Variants in ATG4A observed in about 807,000 individuals in gnomAD.
The protein encoded by ATG4A is cysteine protease ATG4A.
A neutral mutation model predicts 38.4 loss-of-function variants in ATG4A; 22 were observed. The observed-to-expected ratio is 0.57, with a 90% CI of 0.41 to 0.82. The LOEUF (loss-of-function observed/expected upper bound fraction) is 0.82, where lower values mean the gene tolerates loss of function less well. Ranked by LOEUF, ATG4A falls within the 40% of genes least tolerant of loss-of-function variation. The pLI is 0.00. For missense variants in ATG4A, 220 were observed against 290.0 expected (o/e 0.76, Z 1.75); for synonymous variants, 86 against 100.7 (o/e 0.85, Z 0.88).
chrX:108,113,602 G>T (rs1003690172), intron 1 of ATG4A, among the ~76,000 whole-genome samples: 9 of 111,297 alleles, frequency 8.1e-5, no homozygotes, highest in African/African-American at 2.3e-4. Flanking sequence ...AGACATACCC[G>T]AGACTGCGAA....
Position 108,107,637 on chromosome X carries a change from T to C in ATG4A, c.10+15801T>C, listed in dbSNP as rs767384231. The stretch of plus-strand genomic sequence containing the variant: ...GACTCTGGATTTTATTTTAATCTTC[T>C]GTTTAGTAGGCCTACTCTGACACCA... On this transcript the variant is annotated intron_variant, in intron 1 of 12. Transcript: ENST00000372232. 1.9e-4 allele frequency among the ~76,000 whole-genome samples: 21 copies of C among 111,914 alleles called. 1 individual carries two copies. The highest frequency in any genetic ancestry group is 3.9e-4 in the Non-Finnish European group (21 of 53,212).
chrX:108,124,511 G>A (rs1484718659), intron 1 of ATG4A, among the ~76,000 whole-genome samples: 1 of 108,434 alleles, frequency 9.2e-6, no homozygotes, highest in Non-Finnish European at 1.9e-5. Flanking sequence ...GAGTGTAGTG[G>A]CGCGATCTTG....
At chrX:108,149,652 C>T (rs1424270383) in intron 9 of ATG4A, among the ~76,000 whole-genome samples, 1 of 112,370 alleles carries the variant, frequency 8.9e-6, no homozygotes, top group African/African-American at 3.2e-5. Flanking sequence ...TCAGCATTCC[C>T]ATTCCATAAA....
chrX:108,109,614 A>C (rs986878605), intron 1 of ATG4A, among the ~76,000 whole-genome samples: 1 of 112,268 alleles, frequency 8.9e-6, no homozygotes, highest in Non-Finnish European at 1.9e-5. Flanking sequence ...TTTAGGTCTT[A>C]TGTTTAGGTC....
intron 1 of ATG4A, among the ~76,000 whole-genome samples, chrX:108,099,397 T>C (rs2031933311): frequency 8.9e-6 from 1 of 111,765 alleles, no homozygotes; most frequent in East Asian, 2.8e-4. Flanking sequence ...TAGATACCAG[T>C]TCTTTGTCAG....
intron 1 of ATG4A, among the ~76,000 whole-genome samples, chrX:108,118,670 C>A (rs2147986262): frequency 9.0e-6 from 1 of 111,455 alleles, no homozygotes; most frequent in African/African-American, 3.3e-5. Context: ...ACCTACCCCA[C>A]TCTCCAATGC....
intron 1 of ATG4A, among the ~76,000 whole-genome samples, chrX:108,104,883 C>CTTTCTTCT (rs1443471836): frequency 2.8e-5 from 3 of 105,575 alleles, no homozygotes; most frequent in African/African-American, 1.0e-4. Flanking sequence ...TTCACCAATT[C>CTTTCTTCT]TTTCTTCTGC....
At chrX:108,118,073 A>T (rs1288786160) in intron 1 of ATG4A, among the ~76,000 whole-genome samples, 1 of 112,573 alleles carries the variant, frequency 8.9e-6, no homozygotes, top group Admixed American at 9.4e-5. Context: ...TGTGAATTAT[A>T]TTGTTAATAT....
At chrX:108,112,599 G>T (rs1163581092) in intron 1 of ATG4A, among the ~76,000 whole-genome samples, 1 of 110,201 alleles carries the variant, frequency 9.1e-6, no homozygotes, top group Non-Finnish European at 1.9e-5. Context: ...GTTTCACCAT[G>T]TTAGCCAGGA....
rs1388815113 is a variant in ATG4A, at chrX:108,137,154, G to A, written c.531G>A (p.Val177=). ...TTTATGTTTCAATGGATAACACAGT[G>A]GTCATTGAAGATATCAGTGAGTTAC... ...LAVYVSMDNT[V]VIEDIKKMCR... Residue 177 remains valine, a synonymous_variant, in exon 7 of 13, where the codon GTG becomes GTA. Coordinates refer to ENST00000372232, the MANE Select transcript of ATG4A (RefSeq NM_052936.5). The A allele has an allele frequency of 8.3e-7, 1 of 1,204,380 alleles. No homozygotes were observed. Among genetic ancestry groups the A allele is most frequent in the East Asian group, 3.0e-5 (1 of 33,439 alleles).
intron 1 of ATG4A, among the ~76,000 whole-genome samples, chrX:108,124,730 A>C (rs895180089): frequency 1.5e-4 from 17 of 112,265 alleles, no homozygotes; most frequent in African/African-American, 3.2e-5. Context: ...TTCCAACAAA[A>C]TATTTATATG....
intron 1 of ATG4A, among the ~76,000 whole-genome samples, chrX:108,098,033 A>T (rs1194497079): frequency 9.0e-6 from 1 of 111,720 alleles, no homozygotes; most frequent in Non-Finnish European, 1.9e-5. Context: ...ACATAGGTAT[A>T]CATGTGCCAT....
At chrX:108,134,632 A>ATCC (rs773581600) in intron 6 of ATG4A, among the ~76,000 whole-genome samples, 5 of 111,970 alleles carry the variant, frequency 4.5e-5, no homozygotes, top group Non-Finnish European at 7.5e-5. Context: ...TGGTAGCAGT[A>ATCC]TATGTGGCTG....
intron 1 of ATG4A, among the ~76,000 whole-genome samples, chrX:108,121,832 C>T (rs1197796286): frequency 1.8e-5 from 2 of 111,994 alleles, no homozygotes; most frequent in African/African-American, 6.5e-5. Flanking sequence ...ATACTTAACA[C>T]ATAGTAGGTA....
At chrX:108,123,080 C>T (rs1418478320) in intron 1 of ATG4A, among the ~76,000 whole-genome samples, 3 of 111,597 alleles carry the variant, frequency 2.7e-5, no homozygotes, top group African/African-American at 9.8e-5. Context: ...TTTTTGTTTC[C>T]AGGAATTTAA....
At chrX:108,149,984 G>T in intron 9 of ATG4A, 168 bp from the exon 10 acceptor site, 2 of 486,779 alleles carry the variant, frequency 4.1e-6, no homozygotes, top group East Asian at 3.5e-5. Flanking sequence ...AGATTTGGGC[G>T]CAAGTGGCTT....
chrX:108,145,468 G>A (rs1206347069), intron 9 of ATG4A, among the ~76,000 whole-genome samples: 1 of 112,407 alleles, frequency 8.9e-6, no homozygotes, highest in Non-Finnish European at 1.9e-5. Context: ...TAATTTGCTC[G>A]AGCAATGAAG....
chrX:108,121,329 G>C lies in ATG4A; in HGVS notation c.11-4748G>C, dbSNP rs1469102581. On this transcript the variant is annotated intron_variant, in intron 1 of 12. Transcript: ENST00000372232. The stretch of plus-strand genomic sequence containing the variant: ...TATCATGCCTGTTTTCAAAAGCCCT[G>C]TGCAGGTTGACTTTCCCTTCACTGT... Among the ~76,000 whole-genome samples, 6 of 111,362 alleles carry C rather than the reference G, an allele frequency of 5.4e-5. No homozygotes were observed. The Admixed American group carries it at 5.7e-4, about 11-fold the overall frequency.
chrX:108,146,810 C>CTTTTAATCCATA (rs2033434512), intron 9 of ATG4A, among the ~76,000 whole-genome samples: 2 of 111,291 alleles, frequency 1.8e-5, no homozygotes, highest in African/African-American at 6.5e-5. Flanking sequence ...AGTGGGCCAT[C>CTTTTAATCCATA]TTTTAATCCA....
Sources: allele counts gnomAD v4.1 joint callset (sites outside exome capture counted in the v4.1 genomes callset), GRCh38; gene constraint gnomAD v4.1.1; transcripts MANE v1.5; gene names NCBI Gene and HGNC (gene_info 2026-07-23, HGNC 2026-07-21).